ANKDD1A: variants seen among roughly 807,000 people sequenced by gnomAD.
ANKDD1A encodes the protein ankyrin repeat and death domain containing 1A.
A neutral mutation model predicts 63.5 loss-of-function variants in ANKDD1A; 59 were observed. That is an observed-to-expected ratio of 0.93 (90% confidence interval 0.75 to 1.15). ANKDD1A has a LOEUF of 1.15. ANKDD1A is among the 50% of genes most tolerant of loss of function. The pLI is 0.00. For missense variants in ANKDD1A, 632 were observed against 656.4 expected (o/e 0.96, Z 0.41); for synonymous variants, 266 against 263.9 (o/e 1.01, Z -0.08).
rs149730444 is a variant in ANKDD1A, at chr15:64,948,749, C to T, written c.1352-1092C>T. 9.5e-3 allele frequency among the ~76,000 whole-genome samples: 1,442 copies of T among 152,020 alleles called. 38 individuals carry two copies. The highest frequency in any genetic ancestry group is 0.034 in the African/African-American group (1,407 of 41,450). ...GCTGAGGTTTAAGAATCGCTTGAAC[C>T]CGGGACACAGAGTTTGCAGTGAGCC... On this transcript the variant is annotated intron_variant, in intron 13 of 14. Coordinates refer to ENST00000319580, the MANE Select transcript of ANKDD1A (RefSeq NM_182703.6).
chr15:64,934,841 C>A (rs1416363174), intron 9 of ANKDD1A, among the ~76,000 whole-genome samples: 1 of 151,874 alleles, frequency 6.6e-6, no homozygotes, highest in East Asian at 1.9e-4. Context: ...TACTATTAAT[C>A]TTTTATGTTG....
intron 4 of ANKDD1A, among the ~76,000 whole-genome samples, chr15:64,925,811 A>G (rs1402344896): frequency 6.6e-6 from 1 of 152,190 alleles, no homozygotes; most frequent in Non-Finnish European, 1.5e-5. Context: ...AGGTGGAGGT[A>G]ACTGGCCCGA....
intron 3 of ANKDD1A, among the ~76,000 whole-genome samples, chr15:64,919,665 C>T (rs1318550951): frequency 6.6e-6 from 1 of 152,100 alleles, no homozygotes; most frequent in Non-Finnish European, 1.5e-5. Context: ...TGGTGTCATC[C>T]CAAACATGGT....
rs1174257763 is a variant in ANKDD1A, at chr15:64,926,821, G to A, written c.472-80G>A. On this transcript the variant is annotated intron_variant, in intron 5 of 14. Transcript: ENST00000319580. The stretch of plus-strand genomic sequence containing the variant: ...CCACTACAAAGCCAGAGTGGTTGGG[G>A]AACAGAGGCCAGGTGGGCAGAGGCA... 8.8e-6 allele frequency: 13 copies of A among 1,484,284 alleles called. No individual in the cohort carries two copies. In the Admixed American group the frequency reaches 1.5e-4, roughly 17 times the overall value. 91.9% of individuals were successfully genotyped at this position (1,484,284 alleles called of 1,614,324 possible). A position where few individuals can be genotyped will look rare whatever the true frequency, so the allele number is the denominator to read the frequency against.
chr15:64,953,740 T>G (rs552474845), intron 14 of ANKDD1A, among the ~76,000 whole-genome samples: 5 of 147,676 alleles, frequency 3.4e-5, no homozygotes, highest in Admixed American at 6.8e-5. Flanking sequence ...TCCTCCTTCT[T>G]CTTTCCTCTT....
At chr15:64,932,270 T>C (rs1399804289) in intron 8 of ANKDD1A, 1 of 152,200 alleles carries the variant, frequency 6.6e-6, no homozygotes. Flanking sequence ...CCCAGAAAAA[T>C]TCCACCCATT....
intron 4 of ANKDD1A, among the ~76,000 whole-genome samples, chr15:64,923,170 G>A (rs1349699242): frequency 6.6e-6 from 1 of 152,054 alleles, no homozygotes; most frequent in African/African-American, 2.4e-5. Context: ...ACACCAATAG[G>A]AATTTGTTGG....
intron 14 of ANKDD1A, among the ~76,000 whole-genome samples, chr15:64,953,538 C>CCTTCTTCCTTCTCCTTT (rs1595860243): frequency 7.2e-5 from 9 of 124,696 alleles, no homozygotes; most frequent in Non-Finnish European, 9.8e-5. Flanking sequence ...CTTCTCCTCT[C>CCTTCTTCCTTCTCCTTT]CTTCTTCCTT....
At chr15:64,954,376 TTTCTTTTC>T (rs1555367064) in intron 14 of ANKDD1A, among the ~76,000 whole-genome samples, 52 of 137,928 alleles carry the variant, frequency 3.8e-4, no homozygotes, top group African/African-American at 1.6e-3. Context: ...TCTTCTTCCT[TTTCTTTTC>T]TTCTTCTTTC....
chr15:64,937,238 T>C (rs1235302032), intron 9 of ANKDD1A, among the ~76,000 whole-genome samples: 1 of 152,162 alleles, frequency 6.6e-6, no homozygotes, highest in Non-Finnish European at 1.5e-5. Context: ...AACTTACAAA[T>C]ACATGTGCCC....
Position 64,943,485 on chromosome 15 carries a change from G to A in ANKDD1A, c.968G>A (p.Arg323Lys), listed in dbSNP as rs2085200380. Residue 323 changes from arginine to lysine, a missense_variant and splice_region_variant, in exon 11 of 15, where the codon AGG becomes AAG. Arg to Lys is a conservative substitution (Grantham distance 26, BLOSUM62 2). Transcript: ENST00000319580. ...SDSDVNAVDN[R>K]QQTPLHLAAE... The stretch of plus-strand genomic sequence containing the variant: ...CTATTCCCTTGGCTTCTCCCCTAGA[G>A]GCAGCAGACGCCCCTTCACCTGGCT... The A allele has an allele frequency of 6.2e-7, 1 of 1,614,118 alleles. No individual in the cohort carries two copies. The highest frequency in any genetic ancestry group is 8.5e-7 in the Non-Finnish European group (1 of 1,179,988).
intron 14 of ANKDD1A, among the ~76,000 whole-genome samples, chr15:64,952,241 T>C (rs2140387788): frequency 5.3e-5 from 8 of 150,968 alleles, no homozygotes; most frequent in African/African-American, 1.9e-4. Context: ...CCTTTCTTCT[T>C]CTTATTCTTC....
intron 9 of ANKDD1A, among the ~76,000 whole-genome samples, chr15:64,936,852 A>AT (rs948669128): frequency 3.3e-5 from 5 of 151,282 alleles, no homozygotes; most frequent in Non-Finnish European, 5.9e-5. Context: ...TCTAAAAAAA[A>AT]TTTTTTAAAA....
chr15:64,937,383 A>G lies in ANKDD1A; in HGVS notation c.867+3149A>G, dbSNP rs115085832. ...GAAACCCATGCTTAACTAGGAGACA[A>G]TGTAATAAACTGTGGCCCATCCATG... is the stretch of plus-strand genomic sequence containing the variant. On this transcript the variant is annotated intron_variant, in intron 9 of 14. Coordinates refer to ENST00000319580, the MANE Select transcript of ANKDD1A (RefSeq NM_182703.6). Among the ~76,000 whole-genome samples, 1,248 of 152,296 alleles carry G rather than the reference A, an allele frequency of 8.2e-3. 25 individuals are homozygous for G. The highest frequency in any genetic ancestry group is 0.027 in the African/African-American group (1,139 of 41,570).
At chr15:64,927,125 T>G in intron 6 of ANKDD1A, 126 bp downstream of exon 6, 1 of 930,312 alleles carries the variant, frequency 1.1e-6, no homozygotes, top group Non-Finnish European at 1.7e-6. Context: ...GGCCCAAAGA[T>G]GAGAGTGTAT....
Position 64,957,864 on chromosome 15 carries a change from T to C in ANKDD1A, c.*676T>C, listed in dbSNP as rs2085432697. 1 of 152,150 alleles carries C rather than the reference T, an allele frequency of 6.6e-6. No individual in the cohort carries two copies. The highest frequency in any genetic ancestry group is 1.5e-5 in the Non-Finnish European group (1 of 68,032). The allele number at this position is 152,150 out of a possible 1,614,324, so 9.4% of individuals were successfully genotyped here. On this transcript the variant is annotated 3_prime_UTR_variant, in exon 15 of 15. Transcript: ENST00000319580. ...TGCATATAGTATATTACTAATAGTA[T>C]GCTGTTAATTGTGTAAGAAAGAAAG...
chr15:64,934,893 A>G (rs2085116693), intron 9 of ANKDD1A, among the ~76,000 whole-genome samples: 1 of 151,852 alleles, frequency 6.6e-6, no homozygotes, highest in South Asian at 2.1e-4. Context: ...ACTGTTATAC[A>G]TTTGGTCCAC....
chr15:64,948,170 TAA>T (rs1170876340), intron 13 of ANKDD1A, among the ~76,000 whole-genome samples: 1 of 152,204 alleles, frequency 6.6e-6, no homozygotes, highest in East Asian at 1.9e-4. Flanking sequence ...GAGAATCTTT[TAA>T]AAGAGATTCC....
At chr15:64,928,789 C>A (rs2085066418) in intron 6 of ANKDD1A, among the ~76,000 whole-genome samples, 1 of 152,384 alleles carries the variant, frequency 6.6e-6, no homozygotes, top group Non-Finnish European at 1.5e-5. Context: ...CGGGCCCACG[C>A]CAAGGCTGCC....
Sources: gnomAD v4.1 joint callset for allele counts (sites outside exome capture counted in the v4.1 genomes callset) on GRCh38, gnomAD v4.1.1 for gene constraint, MANE v1.5 for transcripts, NCBI Gene and HGNC (gene_info 2026-07-23, HGNC 2026-07-21) for gene names.